TMEM145: variants seen among roughly 807,000 people sequenced by gnomAD.
TMEM145 encodes transmembrane protein 145.
In TMEM145, 46 loss-of-function variants were observed where a neutral mutation model predicts 68.5. The observed-to-expected ratio is 0.67, with a 90% CI of 0.53 to 0.86. The LOEUF (loss-of-function observed/expected upper bound fraction) is 0.86. Among genes scored for constraint, TMEM145 ranks in the 40% least tolerant of loss-of-function variants. The probability of loss-of-function intolerance (pLI) is 0.00; values close to 1 mark genes in which losing one functional copy is unlikely to be tolerated. For synonymous variants in TMEM145, 255 were observed against 280.2 expected, an observed-to-expected ratio of 0.91 and a Z score of 0.90; for missense variants, 570 against 645.8, an observed-to-expected ratio of 0.88 and a Z score of 1.27.
intron 8 of TMEM145, 62 bp downstream of exon 8, chr19:42,315,502 G>A: frequency 6.4e-7 from 1 of 1,566,174 alleles, no homozygotes; most frequent in African/African-American, 1.4e-5. Flanking sequence ...CCAGACACCT[G>A]GGCCTAAGAG....
chr19:42,318,836 C>T lies in TMEM145; in HGVS notation c.1073+955C>T, dbSNP rs530159492. Among the ~76,000 whole-genome samples the T allele has an allele frequency of 2.2e-4, 34 of 152,278 alleles. No homozygotes were observed. The East Asian group carries it at 6.0e-3, about 27-fold the overall frequency. Reference sequence around the variant, plus strand: ...CTGGCTCATGCCTGTACCCCCAGCACTTTGGGAGGCCAAGGTGGGTGGATC... The same window carrying T: ...CTGGCTCATGCCTGTACCCCCAGCATTTTGGGAGGCCAAGGTGGGTGGATC... On this transcript the variant is annotated intron_variant, in intron 12 of 14. Coordinates refer to ENST00000301204, the MANE Select transcript of TMEM145 (RefSeq NM_173633.3).
intron 11 of TMEM145, 108 bp downstream of exon 11, chr19:42,317,071 G>A (rs1270990207): frequency 2.3e-5 from 21 of 907,982 alleles, no homozygotes; most frequent in Middle Eastern, 3.0e-4. Context: ...CTGCTGGCTC[G>A]CTCTCTCTCC....
chr19:42,316,728 T>TCACGGTGACACGGTGA lies in TMEM145; in HGVS notation c.806+3_806+4insACACGGTGACACGGTG. 6.2e-7 allele frequency: 1 copy of TCACGGTGACACGGTGA among 1,610,216 alleles called. No homozygotes were observed. Among genetic ancestry groups the TCACGGTGACACGGTGA allele is most frequent in the East Asian group, 2.2e-5 (1 of 44,642 alleles). ...ATGCTTATCCTCCTGGGGAAGGGATTCACGGTGACACGGTGCCCGGGCAGG... is the reference window on the plus strand; with the variant it reads ...ATGCTTATCCTCCTGGGGAAGGGATTCACGGTGACACGGTGACACGGTGACACGGTGCCCGGGCAGG... On this transcript the variant is annotated stop_gained and frameshift_variant, in exon 10 of 15. Coordinates refer to ENST00000301204, the MANE Select transcript of TMEM145 (RefSeq NM_173633.3). LOFTEE classifies it high-confidence loss of function.
intron 13 of TMEM145, chr19:42,321,386 GTT>G (rs751803295): frequency 0.015 from 2,376 of 159,274 alleles, 1 homozygote; most frequent in Middle Eastern, 0.036. Context: ...CGGTTAAGTG[GTT>G]TTTTTTTTTT....
In TMEM145 at chr19:42,313,831, C is replaced by G. The variant is rs2038827062; in HGVS notation, c.120+335C>G. On this transcript the variant is annotated intron_variant, in intron 1 of 14. Transcript: ENST00000301204. The surrounding 1 kb of genome is among the most constrained non-coding windows in gnomAD (Gnocchi z 5.1). ...CACTCAGCAGAGAGCCCCGAGCTCG[C>G]CGCCACACTCCCGCTCAGGACCGGG... Among the ~76,000 whole-genome samples the G allele has an allele frequency of 6.6e-6, 1 of 151,970 alleles. No individual in the cohort carries two copies. The highest frequency in any genetic ancestry group is 1.5e-5 in the Non-Finnish European group (1 of 67,966).
chr19:42,316,375 C>A (rs2038857641), intron 8 of TMEM145, 106 bp from the exon 9 acceptor site: 1 of 1,078,762 alleles, frequency 9.3e-7, no homozygotes, highest in South Asian at 1.3e-5. Flanking sequence ...GGTCTGGAGT[C>A]CTAAGGGAGG....
At chr19:42,318,562 C>T (rs972285966) in intron 12 of TMEM145, among the ~76,000 whole-genome samples, 4 of 151,640 alleles carry the variant, frequency 2.6e-5, no homozygotes, top group African/African-American at 9.7e-5. Context: ...TGGTGGGCAC[C>T]TGTAATCCCA....
chr19:42,324,645 CGCG>C, intron 14 of TMEM145, 89 bp from the exon 15 acceptor site: 6 of 1,274,810 alleles, frequency 4.7e-6, no homozygotes, highest in Non-Finnish European at 5.0e-6. Context: ...CTTCCCACCC[CGCG>C]CGCCCAGGTT....
At chr19:42,320,512 C>A (rs1217515385) in intron 13 of TMEM145, 75 bp downstream of exon 13, 2 of 1,592,930 alleles carry the variant, frequency 1.3e-6, no homozygotes, top group Non-Finnish European at 8.6e-7. Flanking sequence ...TACACCTGAT[C>A]TGCTGGACCT....
intron 12 of TMEM145, 49 bp from the exon 13 acceptor site, chr19:42,320,268 G>A: frequency 6.2e-7 from 1 of 1,608,530 alleles, no homozygotes; most frequent in Non-Finnish European, 8.5e-7. Context: ...TATAGGGTGG[G>A]GTGGAGGACA....
chr19:42,314,971 T>C (rs1328785197), intron 5 of TMEM145, 22 bp from the exon 6 acceptor site: 1 of 1,612,862 alleles, frequency 6.2e-7, no homozygotes, highest in African/African-American at 1.3e-5. Flanking sequence ...GGGCCCCCCT[T>C]AGGCCTCCCT....
intron 13 of TMEM145, among the ~76,000 whole-genome samples, chr19:42,322,772 G>A (rs940234368): frequency 6.6e-6 from 1 of 151,084 alleles, no homozygotes; most frequent in Admixed American, 6.6e-5. Context: ...GCATGATCTC[G>A]GCTCACTGCA....
chr19:42,322,938 T>G (rs2147425294), intron 13 of TMEM145, among the ~76,000 whole-genome samples: 1 of 152,186 alleles, frequency 6.6e-6, no homozygotes, highest in South Asian at 2.1e-4. Flanking sequence ...TGACCTCAGG[T>G]GATCCGCCCG....
chr19:42,314,242 G>A (rs1420626421), intron 1 of TMEM145, 30 bp from the exon 2 acceptor site: 7 of 1,613,192 alleles, frequency 4.3e-6, no homozygotes, highest in Non-Finnish European at 5.9e-6. Flanking sequence ...GAAGGACTCA[G>A]CGGAGGGTCA....
At position 42,313,819 on chromosome 19, in the gene TMEM145, G is replaced by T. The variant is rs921501297; in HGVS notation, c.120+323G>T. ...GACAGCACTTTTCACTCAGCAGAGA[G>T]CCCCGAGCTCGCCGCCACACTCCCG... On this transcript the variant is annotated intron_variant, in intron 1 of 14. Transcript: ENST00000301204. The surrounding 1 kb of genome is among the most constrained non-coding windows in gnomAD (Gnocchi z 5.1). 6.6e-6 allele frequency among the ~76,000 whole-genome samples: 1 copy of T among 152,054 alleles called. No homozygotes were observed. The highest frequency in any genetic ancestry group is 2.4e-5 in the African/African-American group (1 of 41,410).
At position 42,320,395 on chromosome 19, in the gene TMEM145, C is replaced by T. The variant is rs747226375; in HGVS notation, c.1152C>T (p.Gly384=). The change falls in exon 13 of 15, where the codon GGC becomes GGT. Residue 384 remains glycine, a synonymous_variant. Coordinates refer to ENST00000301204, the MANE Select transcript of TMEM145 (RefSeq NM_173633.3). ...PKWAREKIVN[G]IQLGIHLYAH... is the part of the protein sequence containing the mutation. ...GGGCCCGGGAGAAGATTGTCAATGG[C>T]ATCCAGCTGGGGATCCACTTGTACG... The T allele has an allele frequency of 3.1e-6, 5 of 1,614,026 alleles. No individual in the cohort carries two copies. The highest frequency in any genetic ancestry group is 4.2e-6 in the Non-Finnish European group (5 of 1,180,050).
chr19:42,324,334 C>T, intron 14 of TMEM145: 1 of 985,228 alleles, frequency 1.0e-6, no homozygotes, highest in Non-Finnish European at 1.2e-6. Context: ...CGAGGGGCCG[C>T]GTGGTGACCA....
chr19:42,323,829 C>T (rs748933022), intron 14 of TMEM145, 40 bp downstream of exon 14: 3 of 1,595,880 alleles, frequency 1.9e-6, no homozygotes, highest in Non-Finnish European at 1.7e-6. Context: ...GCTGCTGGCG[C>T]CGCCCCTGGA....
intron 8 of TMEM145, 133 bp from the exon 9 acceptor site, chr19:42,316,348 G>T (rs2038857406): frequency 7.2e-6 from 6 of 835,362 alleles, no homozygotes; most frequent in Non-Finnish European, 1.2e-5. Flanking sequence ...TCTCCTAGCA[G>T]GTGAGTCGGG....
Sources: gnomAD v4.1 joint callset for allele counts (sites outside exome capture counted in the v4.1 genomes callset) on GRCh38, gnomAD v4.1.1 for gene constraint, Gnocchi (gnomAD v3.1) non-coding constraint, MANE v1.5 for transcripts, NCBI Gene and HGNC (gene_info 2026-07-23, HGNC 2026-07-21) for gene names.